ZFP37: variants seen among roughly 807,000 people sequenced by gnomAD.
ZFP37 encodes the protein ZFP37 zinc finger protein, also known as zinc finger protein 37 homolog.
A neutral mutation model predicts 52.1 loss-of-function variants in ZFP37; 38 were observed. The observed-to-expected ratio is 0.73, with a 90% CI of 0.56 to 0.96. ZFP37 has a LOEUF of 0.96. ZFP37 is among the 40% of genes least tolerant of loss of function. The pLI is 0.00. For missense variants in ZFP37, 695 were observed against 741.4 expected (o/e 0.94, Z 0.73); for synonymous variants, 253 against 259.5 (o/e 0.98, Z 0.24).
At chr9:113,056,171 C>A (rs1278565804) in intron 1 of ZFP37, among the ~76,000 whole-genome samples, 1 of 152,120 alleles carries the variant, frequency 6.6e-6, no homozygotes, top group African/African-American at 2.4e-5. Context: ...TAACACTGAC[C>A]CTCTTTGATA....
At chr9:113,056,058 A>G (rs1349160861) in intron 1 of ZFP37, among the ~76,000 whole-genome samples, 1 of 143,292 alleles carries the variant, frequency 7.0e-6, no homozygotes, top group Non-Finnish European at 1.5e-5. Context: ...CTGACCCTCA[A>G]AGATACTGCT....
At position 113,043,873 on chromosome 9, in the gene ZFP37, G is replaced by GT. The variant is rs1425115355; in HGVS notation, c.744dup (p.His249ThrfsTer2). 13 of 1,613,894 alleles carry GT rather than the reference G, an allele frequency of 8.1e-6. No homozygotes were observed. Among genetic ancestry groups the GT allele is most frequent in the East Asian group, 2.2e-5 (1 of 44,878 alleles). On this transcript the variant is annotated frameshift_variant, in exon 4 of 4. Coordinates refer to ENST00000374227, the MANE Select transcript of ZFP37 (RefSeq NM_003408.3). LOFTEE classifies it high-confidence loss of function. The stretch of plus-strand genomic sequence containing the variant: ...GAACTATGACAGCATAATTTGTCAT[G>GT]TTTTTTGCCAGTTTTGTTACACTTA...
chr9:113,040,610 A>G lies in ZFP37; in HGVS notation c.*2115T>C, dbSNP rs1300307026. 1 of 152,222 alleles carries G rather than the reference A, an allele frequency of 6.6e-6. No individual in the cohort carries two copies. Among genetic ancestry groups the G allele is most frequent in the Non-Finnish European group, 1.5e-5 (1 of 68,034 alleles). The allele number at this position is 152,222 out of a possible 1,614,324, so 9.4% of individuals were successfully genotyped here. A position where few individuals can be genotyped will look rare whatever the true frequency, so the allele number is the denominator to read the frequency against. On this transcript the variant is annotated 3_prime_UTR_variant, in exon 4 of 4. Transcript: ENST00000374227. Reference sequence around the variant, plus strand: ...GGTCAGGAAGGAAGGAGCTTGAATGATAAATATTTGTAAAGATGGCATTTA... The same window carrying G: ...GGTCAGGAAGGAAGGAGCTTGAATGGTAAATATTTGTAAAGATGGCATTTA...
chr9:113,049,084 A>G lies in ZFP37; in HGVS notation c.349+278T>C, dbSNP rs1056671538. 1.1e-4 allele frequency among the ~76,000 whole-genome samples: 17 copies of G among 152,200 alleles called. 1 individual carries two copies. The highest frequency in any genetic ancestry group is 7.2e-4 in the Admixed American group (11 of 15,284). On this transcript the variant is annotated intron_variant, in intron 3 of 3. Transcript: ENST00000374227. ...CTTCATGGAGCAAAACTGAGTGGAAATTGACTGATACAGGTGATATAACCA... is the reference window on the plus strand; with the variant it reads ...CTTCATGGAGCAAAACTGAGTGGAAGTTGACTGATACAGGTGATATAACCA...
At position 113,042,403 on chromosome 9, in the gene ZFP37, C is replaced by G. The variant is rs939148924; in HGVS notation, c.*322G>C. 3 of 209,402 alleles carry G rather than the reference C, an allele frequency of 1.4e-5. No homozygotes were observed. The highest frequency in any genetic ancestry group is 7.0e-5 in the African/African-American group (3 of 42,930). 13.0% of individuals were successfully genotyped at this position (209,402 alleles called of 1,614,324 possible). A position where few individuals can be genotyped will look rare whatever the true frequency, so the allele number is the denominator to read the frequency against. On this transcript the variant is annotated 3_prime_UTR_variant, in exon 4 of 4. Coordinates refer to ENST00000374227, the MANE Select transcript of ZFP37 (RefSeq NM_003408.3). The stretch of plus-strand genomic sequence containing the variant: ...TACAAAACAAGAAGAAACACAGGAA[C>G]TGTCAGCATATATAACTTGTTTCTC...
At chr9:113,047,051 G>T (rs754200874) in intron 3 of ZFP37, among the ~76,000 whole-genome samples, 1 of 151,364 alleles carries the variant, frequency 6.6e-6, no homozygotes, top group Admixed American at 6.6e-5. Context: ...GGAGCTTGCA[G>T]TGAGCCGAGA....
rs1289714311 is a variant in ZFP37 at position 113,041,598 on chromosome 9, T to C, written c.*1127A>G. 1 of 152,222 alleles carries C rather than the reference T, an allele frequency of 6.6e-6. No individual in the cohort carries two copies. The highest frequency in any genetic ancestry group is 2.4e-5 in the African/African-American group (1 of 41,452). The allele number at this position is 152,222 out of a possible 1,614,324, so 9.4% of individuals were successfully genotyped here. On this transcript the variant is annotated 3_prime_UTR_variant, in exon 4 of 4. Coordinates refer to ENST00000374227, the MANE Select transcript of ZFP37 (RefSeq NM_003408.3). ...ATTCAACATCAAAAAATGGCAAATG[T>C]AGAAACAGTGCTGTTATAATTCACT...
rs1477220142 is a variant in ZFP37, at chr9:113,040,537, T to C, written c.*2188A>G. ...GCACATGCACATACACGAACACATA[T>C]TCCATTCTCAATATATTATATTAAC... On this transcript the variant is annotated 3_prime_UTR_variant, in exon 4 of 4. Coordinates refer to ENST00000374227, the MANE Select transcript of ZFP37 (RefSeq NM_003408.3). 6.6e-6 allele frequency: 1 copy of C among 152,230 alleles called. No homozygotes were observed. Among genetic ancestry groups the C allele is most frequent in the East Asian group, 1.9e-4 (1 of 5,202 alleles). 9.4% of individuals were successfully genotyped at this position (152,230 alleles called of 1,614,324 possible).
At chr9:113,049,267 A>T in intron 3 of ZFP37, 95 bp downstream of exon 3, 1 of 1,342,310 alleles carries the variant, frequency 7.4e-7, no homozygotes, top group Admixed American at 2.4e-5. Context: ...GATTTTTTCT[A>T]TTGCTATTTT....
intron 3 of ZFP37, among the ~76,000 whole-genome samples, chr9:113,045,556 A>T (rs899863890): frequency 1.3e-5 from 2 of 152,200 alleles, no homozygotes; most frequent in African/African-American, 4.8e-5. Context: ...TCTGCCATAC[A>T]TTATACACTT....
In ZFP37 at chr9:113,040,114, T is replaced by C. The variant is rs564686272; in HGVS notation, c.*2611A>G. 6.3e-4 allele frequency: 96 copies of C among 152,370 alleles called. No individual in the cohort carries two copies. Among genetic ancestry groups the C allele is most frequent in the African/African-American group, 2.0e-3 (83 of 41,584 alleles). The allele number at this position is 152,370 out of a possible 1,614,324, so 9.4% of individuals were successfully genotyped here. ...TCTGTTTTCCTATACTAACCTCCAA[T>C]TGTATTTAGACATCCTTTCCTCATT... On this transcript the variant is annotated 3_prime_UTR_variant, in exon 4 of 4. Transcript: ENST00000374227.
In ZFP37 at chr9:113,043,428, C is replaced by T; in HGVS notation, c.1190G>A (p.Arg397Lys). ...RHSSNLIQHV[R>K]SHTGEKPYEC... ...ATATGGCTTCTCACCTGTGTGAGAT[C>T]TCACATGTTGAATAAGGTTTGAGCT... The change falls in exon 4 of 4, where the codon AGA (arginine) becomes AAA (lysine). Residue 397 changes from arginine to lysine, a missense_variant. By Grantham distance (26) the Arg-to-Lys change is conservative. This residue lies in a region of ZFP37 where 326 missense variants were observed against 400.5 expected (regional missense o/e 0.81). Transcript: ENST00000374227. 1.2e-6 allele frequency: 2 copies of T among 1,614,068 alleles called. No homozygotes were observed. Among genetic ancestry groups the T allele is most frequent in the South Asian group, 2.2e-5 (2 of 91,082 alleles).
At position 113,041,292 on chromosome 9, in the gene ZFP37, G is replaced by A. The variant is rs1828842122; in HGVS notation, c.*1433C>T. ...AATCCAGGTGTGCAATGGCAAATAGGTCTCCTGTGACAGTCCAAGTTGATG... is the reference window on the plus strand; with the variant it reads ...AATCCAGGTGTGCAATGGCAAATAGATCTCCTGTGACAGTCCAAGTTGATG... On this transcript the variant is annotated 3_prime_UTR_variant, in exon 4 of 4. Coordinates refer to ENST00000374227, the MANE Select transcript of ZFP37 (RefSeq NM_003408.3). 6.6e-6 allele frequency: 1 copy of A among 152,122 alleles called. No homozygotes were observed. Among genetic ancestry groups the A allele is most frequent in the Admixed American group, 6.6e-5 (1 of 15,262 alleles). The allele number at this position is 152,122 out of a possible 1,614,324, so 9.4% of individuals were successfully genotyped here. A position where few individuals can be genotyped will look rare whatever the true frequency, so the allele number is the denominator to read the frequency against.
rs1405023038 is a variant in ZFP37 at position 113,040,244 on chromosome 9, CAAT to C, written c.*2478_*2480del. The C allele has an allele frequency of 6.6e-6, 1 of 152,200 alleles. No homozygotes were observed. Among genetic ancestry groups the C allele is most frequent in the East Asian group, 1.9e-4 (1 of 5,202 alleles). The allele number at this position is 152,200 out of a possible 1,614,324, so 9.4% of individuals were successfully genotyped here. A position where few individuals can be genotyped will look rare whatever the true frequency, so the allele number is the denominator to read the frequency against. On this transcript the variant is annotated 3_prime_UTR_variant, in exon 4 of 4. Transcript: ENST00000374227. ...ATAATTCTCACTGTCTCAGATGTGG[CAAT>C]ACTATGGGTTCCCCAAGACATGTGG...
chr9:113,043,759 G>A lies in ZFP37; in HGVS notation c.859C>T (p.Gln287Ter), dbSNP rs780691441. The part of the protein sequence containing the change: ...LSSSTKHEKP[Q>*]ACVKPYECNQ... ...CATTCATAGGGTTTCACACAAGCTT[G>A]AGGTTTTTCATGCTTAGTAGATGAG... The change falls in exon 4 of 4, where the codon CAA (glutamine) becomes TAA (stop). Residue 287 changes from glutamine to a stop codon, truncating the protein, a stop_gained. Transcript: ENST00000374227. LOFTEE classifies it high-confidence loss of function. 1 of 1,613,982 alleles carries A rather than the reference G, an allele frequency of 6.2e-7. No individual in the cohort carries two copies. Among genetic ancestry groups the A allele is most frequent in the Non-Finnish European group, 8.5e-7 (1 of 1,179,968 alleles).
chr9:113,046,384 T>C (rs1192469133), intron 3 of ZFP37, among the ~76,000 whole-genome samples: 2 of 152,042 alleles, frequency 1.3e-5, no homozygotes, highest in South Asian at 2.1e-4. Context: ...TTAGGTACCA[T>C]GACAAGGCTG....
At chr9:113,050,036 A>G (rs1364720164) in intron 1 of ZFP37, 164 bp from the exon 2 acceptor site, 36 of 1,122,028 alleles carry the variant, frequency 3.2e-5, no homozygotes. Flanking sequence ...TATAAAGGAT[A>G]CCTATTCTCT....
Position 113,043,226 on chromosome 9 carries a change from A to G in ZFP37, c.1392T>C (p.Asn464=). 6.2e-7 allele frequency: 1 copy of G among 1,613,888 alleles called. No homozygotes were observed. The highest frequency in any genetic ancestry group is 8.5e-7 in the Non-Finnish European group (1 of 1,179,948). Residue 464 remains asparagine (N), a synonymous_variant, in exon 4 of 4, where the codon AAT becomes AAC. Transcript: ENST00000374227. Reference sequence around the variant, plus strand: ...TCTTGCTGAAAGCTTTCCCACATTCATTACATTCAAAGGGTTTCTCACCTG... The same window carrying G: ...TCTTGCTGAAAGCTTTCCCACATTCGTTACATTCAAAGGGTTTCTCACCTG... The part of the protein sequence containing the change: ...IHTGEKPFEC[N]ECGKAFSKKS...
intron 1 of ZFP37, among the ~76,000 whole-genome samples, chr9:113,055,150 C>G (rs879720370): frequency 5.9e-5 from 9 of 152,170 alleles, no homozygotes; most frequent in Non-Finnish European, 1.3e-4. Flanking sequence ...CAAGTTTACT[C>G]CTACCCCAGG....
Sources: allele counts gnomAD v4.1 joint callset (sites outside exome capture counted in the v4.1 genomes callset), GRCh38; gene constraint gnomAD v4.1.1; regional missense constraint gnomAD v4.1.1; transcripts MANE v1.5; gene names NCBI Gene and HGNC (gene_info 2026-07-23, HGNC 2026-07-21).